CHCT1: variants seen among roughly 807,000 people sequenced by gnomAD.
The protein encoded by CHCT1 is CHD1 helical C-terminal domain containing 1.
At chr17:60,429,440 G>T in the CHCT1 span, 1 of 1,614,262 alleles carries the variant, frequency 6.2e-7, no homozygotes, top group Non-Finnish European at 8.5e-7. Flanking sequence ...GCTCTGCCAT[G>T]CATGGGGGCT....
At chr17:60,425,561 T>C in the CHCT1 span, among the ~76,000 whole-genome samples, 1 of 152,206 alleles carries the variant, frequency 6.6e-6, no homozygotes, top group Non-Finnish European at 1.5e-5. Flanking sequence ...GAATATGCTG[T>C]GATTATTATA....
At chr17:60,426,349 C>G in the CHCT1 span, 8 of 1,546,468 alleles carry the variant, frequency 5.2e-6, no homozygotes, top group Non-Finnish European at 7.0e-6. Flanking sequence ...AGGGCAGTCT[C>G]TTTGCTCTGC....
chr17:60,431,171 T>A, the CHCT1 span: 1 of 1,575,132 alleles, frequency 6.3e-7, no homozygotes, highest in Non-Finnish European at 8.7e-7. Flanking sequence ...TCTGACCTTC[T>A]CTTTTTCAGA....
chr17:60,426,823 G>A, the CHCT1 span: 10 of 1,596,520 alleles, frequency 6.3e-6, no homozygotes, highest in South Asian at 3.4e-5. Flanking sequence ...TCCTGGTGAG[G>A]CGCAAGACAT....
At chr17:60,421,801 C>T in the CHCT1 span, 18 of 958,594 alleles carry the variant, frequency 1.9e-5, no homozygotes, top group Non-Finnish European at 2.2e-5. Flanking sequence ...TAGGAAGAGT[C>T]GGGGTGGCGG....
the CHCT1 span, among the ~76,000 whole-genome samples, chr17:60,424,163 G>T: frequency 6.6e-6 from 1 of 152,156 alleles, no homozygotes; most frequent in Admixed American, 6.6e-5. Context: ...GCCCATTCAT[G>T]AAGGATCCAC....
the CHCT1 span, among the ~76,000 whole-genome samples, chr17:60,428,904 C>CA: frequency 1.5e-3 from 219 of 148,306 alleles, 1 homozygote; most frequent in African/African-American, 5.1e-3. Context: ...CAAAGGCTCC[C>CA]ATTTTTTTTT....
chr17:60,429,575 TTG>T, the CHCT1 span: 1 of 1,610,460 alleles, frequency 6.2e-7, no homozygotes, highest in Admixed American at 1.7e-5. Flanking sequence ...CCATTTGGTG[TTG>T]GGGTGATGCC....
chr17:60,426,222 T>G, the CHCT1 span: 15 of 1,551,740 alleles, frequency 9.7e-6, no homozygotes, highest in East Asian at 7.3e-5. Flanking sequence ...CCCAGGGACC[T>G]TCCCCAGAAG....
chr17:60,423,214 CAG>C, the CHCT1 span, among the ~76,000 whole-genome samples: 3 of 148,816 alleles, frequency 2.0e-5, no homozygotes, highest in East Asian at 5.9e-4. Context: ...TTTTTTGAGA[CAG>C]AGTCTCACTC....
At chr17:60,421,571 G>A in the CHCT1 span, 3 of 985,334 alleles carry the variant, frequency 3.0e-6, no homozygotes, top group African/African-American at 3.5e-5. Flanking sequence ...GGGAAGAAAA[G>A]GTGGCTCGAG....
the CHCT1 span, among the ~76,000 whole-genome samples, chr17:60,423,927 G>A: frequency 1.3e-5 from 2 of 152,180 alleles, no homozygotes; most frequent in African/African-American, 2.4e-5. Context: ...AAGAAAAGAG[G>A]TTTATTTGGC....
At chr17:60,426,246 A>G in the CHCT1 span, 48 of 1,552,024 alleles carry the variant, frequency 3.1e-5, no homozygotes, top group East Asian at 9.8e-4. Context: ...AAGCTGAAGT[A>G]CATGAAGCAG....
chr17:60,423,525 T>TC, the CHCT1 span, among the ~76,000 whole-genome samples: 326 of 151,914 alleles, frequency 2.1e-3, 1 homozygote, highest in African/African-American at 7.5e-3. Flanking sequence ...GTGCAGTGGC[T>TC]CAGTCTCGGC....
At chr17:60,429,293 G>A in the CHCT1 span, 15 of 1,506,594 alleles carry the variant, frequency 1.0e-5, no homozygotes, top group East Asian at 2.3e-5. Flanking sequence ...AACAAATGCG[G>A]TGCTGGGACT....
chr17:60,423,020 C>A, the CHCT1 span, among the ~76,000 whole-genome samples: 1 of 152,118 alleles, frequency 6.6e-6, no homozygotes, highest in Non-Finnish European at 1.5e-5. Context: ...TCCCCCTGGC[C>A]TTTCCCTTCA....
the CHCT1 span, chr17:60,431,237 G>A: frequency 2.5e-6 from 4 of 1,604,728 alleles, no homozygotes; most frequent in Non-Finnish European, 3.4e-6. Flanking sequence ...GATAAAGGAA[G>A]CCCCAGAAAC....
the CHCT1 span, among the ~76,000 whole-genome samples, chr17:60,430,160 C>T: frequency 7.9e-6 from 1 of 126,248 alleles, no homozygotes; most frequent in Non-Finnish European, 1.6e-5. Context: ...CATTCCTGAC[C>T]TGTTGAAAAG....
chr17:60,430,746 G>A, the CHCT1 span, among the ~76,000 whole-genome samples: 1 of 152,230 alleles, frequency 6.6e-6, no homozygotes, highest in South Asian at 2.1e-4. Context: ...TTCCCGAAGT[G>A]CTGGGATTAC....
Sources: allele counts gnomAD v4.1 joint callset (sites outside exome capture counted in the v4.1 genomes callset), GRCh38; gene constraint gnomAD v4.1.1; transcripts MANE v1.5; gene names NCBI Gene and HGNC (gene_info 2026-07-23, HGNC 2026-07-21).